Variants in EBF3 observed in about 807,000 individuals in gnomAD.
EBF3 encodes EBF transcription factor 3.
EBF3 carries 18 observed loss-of-function variants against 77.1 expected under a neutral mutation model. The ratio of observed to expected loss-of-function variants is 0.23; its 90% CI spans 0.16 to 0.35. EBF3 has a LOEUF of 0.35. Among genes scored for constraint, EBF3 ranks in the 10% least tolerant of loss-of-function variants. The pLI is 1.00. For synonymous variants in EBF3, 350 were observed against 343.5 expected, an observed-to-expected ratio of 1.02 and a Z score of -0.21; for missense variants, 558 against 860.0, an observed-to-expected ratio of 0.65 and a Z score of 4.39.
intron 4 of EBF3, among the ~76,000 whole-genome samples, chr10:129,960,496 G>A (rs996525340): frequency 1.3e-5 from 2 of 152,250 alleles, no homozygotes; most frequent in Non-Finnish European, 2.9e-5. Context: ...GCTTCTGAGA[G>A]AGTGGCTTGT....
In EBF3 at chr10:129,963,470, C is replaced by T. The variant is rs2134659487; in HGVS notation, c.188G>A (p.Arg63Gln). 6.3e-7 allele frequency: 1 copy of T among 1,587,098 alleles called. No individual in the cohort carries two copies. Among genetic ancestry groups the T allele is most frequent in the Non-Finnish European group, 8.6e-7 (1 of 1,166,742 alleles). The change falls in exon 2 of 17, where the codon CGG becomes CAG. Residue 63 changes from arginine to glutamine, a missense_variant. Transcript: ENST00000440978. The surrounding 1 kb of genome is among the most constrained non-coding windows in gnomAD (Gnocchi z 7.1). Reference protein sequence around the residue: ...HFEKQPPSNLRKSNFFHFVLA... With the variant: ...HFEKQPPSNLQKSNFFHFVLA... ...CACGAAGTGGAAGAAATTGGATTTC[C>T]GGAGGTTGGAAGGCGGCTGCTTCTC...
intron 6 of EBF3, among the ~76,000 whole-genome samples, chr10:129,951,067 T>C (rs897089554): frequency 1.3e-5 from 2 of 152,220 alleles, no homozygotes; most frequent in African/African-American, 4.8e-5. Flanking sequence ...AATTACAGCA[T>C]CACAGTGAGC....
chr10:129,842,328 C>T lies in EBF3; in HGVS notation c.1195-35G>A, dbSNP rs1442267010. On this transcript the variant is annotated intron_variant, in intron 12 of 16. Coordinates refer to ENST00000440978, the MANE Select transcript of EBF3 (RefSeq NM_001375380.1). The surrounding 1 kb of genome is among the most constrained non-coding windows in gnomAD (Gnocchi z 4.4). ...GAGCAAGTGGGAGCCGGCCTGTCAC[C>T]CCAGGCCCGGCCCAGCTGGCCGCAC... The T allele has an allele frequency of 1.9e-6, 3 of 1,543,758 alleles. No individual in the cohort carries two copies. The highest frequency in any genetic ancestry group is 2.6e-6 in the Non-Finnish European group (3 of 1,145,064).
At chr10:129,858,185 C>A (rs1048606963) in intron 10 of EBF3, among the ~76,000 whole-genome samples, 1 of 152,190 alleles carries the variant, frequency 6.6e-6, no homozygotes, top group African/African-American at 2.4e-5. Flanking sequence ...GGGCAGTGGG[C>A]ATGTGAAGCT....
At chr10:129,918,121 C>G (rs568963603) in intron 6 of EBF3, among the ~76,000 whole-genome samples, 14 of 152,318 alleles carry the variant, frequency 9.2e-5, no homozygotes, top group African/African-American at 3.4e-4. Flanking sequence ...TCACTGCACC[C>G]ACAAAATTGG....
At chr10:129,904,675 GAT>G (rs1855012609) in intron 6 of EBF3, among the ~76,000 whole-genome samples, 2 of 151,830 alleles carry the variant, frequency 1.3e-5, no homozygotes, top group South Asian at 4.2e-4. Context: ...GACATCTATG[GAT>G]AGAACTATAT....
chr10:129,863,641 C>T lies in EBF3; in HGVS notation c.1039+3500G>A, dbSNP rs191393878. Among the ~76,000 whole-genome samples the T allele has an allele frequency of 4.9e-4, 74 of 152,334 alleles. No individual in the cohort carries two copies. Among genetic ancestry groups the T allele is most frequent in the African/African-American group, 1.5e-3 (61 of 41,582 alleles). On this transcript the variant is annotated intron_variant, in intron 10 of 16. Transcript: ENST00000440978. This position sits in a 1 kb window ranked among gnomAD's most constrained non-coding sequence, Gnocchi z 4.0. ...CTGGGGGACACTGATGGGAACCAGA[C>T]GCCCAGGGGACGGTGCCTACGTCGT...
chr10:129,918,969 C>T (rs1283553310), intron 6 of EBF3, among the ~76,000 whole-genome samples: 1 of 152,190 alleles, frequency 6.6e-6, no homozygotes, highest in Non-Finnish European at 1.5e-5. Context: ...GAGAGGACTT[C>T]CCCAGCCGGG....
chr10:129,874,446 C>T (rs1852616945), intron 7 of EBF3, among the ~76,000 whole-genome samples: 2 of 152,148 alleles, frequency 1.3e-5, no homozygotes. Flanking sequence ...GAGCTTGCCA[C>T]AAACATCCAG....
chr10:129,920,359 G>T (rs1856204088), intron 6 of EBF3, among the ~76,000 whole-genome samples: 1 of 151,942 alleles, frequency 6.6e-6, no homozygotes, highest in Admixed American at 6.5e-5. Context: ...GCCCCGCTGT[G>T]CGGTCTAGGG....
chr10:129,880,440 CGCATACACATACACAT>C (rs1184773698), intron 6 of EBF3, among the ~76,000 whole-genome samples: 5 of 152,150 alleles, frequency 3.3e-5, no homozygotes, highest in African/African-American at 1.2e-4. Context: ...GACACACACG[CGCATACACATACACAT>C]GCAGACACAT....
intron 6 of EBF3, among the ~76,000 whole-genome samples, chr10:129,887,051 G>GGGC (rs1853640321): frequency 2.1e-5 from 2 of 94,460 alleles, no homozygotes; most frequent in Admixed American, 1.9e-4. Flanking sequence ...TGGGGGTTGT[G>GGGC]GGCGGGGGGG....
At chr10:129,847,297 T>C (rs1850540863) in intron 11 of EBF3, among the ~76,000 whole-genome samples, 1 of 152,142 alleles carries the variant, frequency 6.6e-6, no homozygotes. Flanking sequence ...AAGCCAGCCC[T>C]AGATGGAGGC....
intron 8 of EBF3, 87 bp from the exon 9 acceptor site, chr10:129,867,999 ACCGC>A: frequency 6.5e-7 from 1 of 1,548,850 alleles, no homozygotes; most frequent in Non-Finnish European, 8.7e-7. Flanking sequence ...TCCCGCGGCC[ACCGC>A]GGGAGGAGAG....
At chr10:129,888,032 A>T (rs1006732253) in intron 6 of EBF3, among the ~76,000 whole-genome samples, 1 of 152,206 alleles carries the variant, frequency 6.6e-6, no homozygotes, top group Admixed American at 6.5e-5. Context: ...AACTATTGAT[A>T]GGGTAAGCTG....
intron 6 of EBF3, among the ~76,000 whole-genome samples, chr10:129,878,665 A>G (rs1852963720): frequency 6.7e-6 from 1 of 149,128 alleles, no homozygotes; most frequent in African/African-American, 2.5e-5. Flanking sequence ...CTGTCTCAAA[A>G]AAAAAAAAAA....
intron 6 of EBF3, among the ~76,000 whole-genome samples, chr10:129,945,076 G>C (rs1396821902): frequency 1.4e-5 from 1 of 70,004 alleles, no homozygotes; most frequent in African/African-American, 5.8e-5. Context: ...GAGGGGAGGG[G>C]AGGGGAAGAG....
At chr10:129,857,502 T>TC (rs1851335161) in intron 10 of EBF3, among the ~76,000 whole-genome samples, 1 of 152,140 alleles carries the variant, frequency 6.6e-6, no homozygotes, top group South Asian at 2.1e-4. Context: ...CCCAACCATC[T>TC]CCCCAGGGCG....
chr10:129,913,565 A>C (rs373880834), intron 6 of EBF3, among the ~76,000 whole-genome samples: 18 of 152,322 alleles, frequency 1.2e-4, no homozygotes, highest in African/African-American at 3.1e-4. Context: ...GCCCAGCCTG[A>C]CGGTCCTGAG....
Sources: allele counts gnomAD v4.1 joint callset (sites outside exome capture counted in the v4.1 genomes callset), GRCh38; gene constraint gnomAD v4.1.1; non-coding constraint Gnocchi (gnomAD v3.1); transcripts MANE v1.5; gene names NCBI Gene and HGNC (gene_info 2026-07-23, HGNC 2026-07-21).